The following PPFIBP1 variants were observed in gnomAD, a reference collection of about 807,000 sequenced individuals.
The protein encoded by PPFIBP1 is liprin-beta-1.
In PPFIBP1, 112 loss-of-function variants were observed where a neutral mutation model predicts 137.8. The observed-to-expected ratio is 0.81, with a 90% CI of 0.70 to 0.95. The LOEUF is 0.95. Ranked by LOEUF, PPFIBP1 falls within the 40% of genes least tolerant of loss-of-function variation. The probability of loss-of-function intolerance (pLI) is 0.00; values close to 1 mark genes in which losing one functional copy is unlikely to be tolerated. For missense variants in PPFIBP1, 1,083 were observed against 1,196.6 expected, an observed-to-expected ratio of 0.91 and a Z score of 1.40; for synonymous variants, 378 against 417.3, an observed-to-expected ratio of 0.91 and a Z score of 1.15.
At chr12:27,611,493 T>C (rs1270445770) in intron 2 of PPFIBP1, among the ~76,000 whole-genome samples, 1 of 152,258 alleles carries the variant, frequency 6.6e-6, no homozygotes, top group Non-Finnish European at 1.5e-5. Context: ...AAAGACCCTA[T>C]ATCCAAATAA....
intron 2 of PPFIBP1, among the ~76,000 whole-genome samples, chr12:27,594,537 A>G (rs928690054): frequency 2.0e-5 from 3 of 152,124 alleles, no homozygotes. Context: ...CTATTTTTAT[A>G]ATCTCCCAGT....
At chr12:27,682,573 A>T (rs751955960) in intron 23 of PPFIBP1, 42 bp from the exon 24 acceptor site, 4 of 1,610,210 alleles carry the variant, frequency 2.5e-6, no homozygotes, top group Admixed American at 1.7e-5. Context: ...ACAAGAACAG[A>T]TGTTTTGTGG....
intron 2 of PPFIBP1, among the ~76,000 whole-genome samples, chr12:27,627,558 T>C (rs937199365): frequency 1.3e-5 from 2 of 152,200 alleles, no homozygotes; most frequent in Non-Finnish European, 2.9e-5. Context: ...AGGACAAATG[T>C]TATTCTCACA....
At chr12:27,669,865 G>A (rs890731068) in intron 13 of PPFIBP1, among the ~76,000 whole-genome samples, 4 of 152,150 alleles carry the variant, frequency 2.6e-5, no homozygotes, top group African/African-American at 9.7e-5. Context: ...GAGTGTTCCC[G>A]GTCCAGTACA....
chr12:27,590,553 G>T lies in PPFIBP1; in HGVS notation c.-36+12314G>T, dbSNP rs181366961. ...AGATCTCACAGTCTACAGGTAAAAT[G>T]GATCTATAAAGAGGGCTGAAAAGTA... is the stretch of plus-strand genomic sequence containing the variant. On this transcript the variant is annotated intron_variant, in intron 2 of 29. Coordinates refer to ENST00000228425, the MANE Select transcript of PPFIBP1 (RefSeq NM_003622.4). Among the ~76,000 whole-genome samples the T allele has an allele frequency of 4.6e-5, 7 of 152,264 alleles. No individual in the cohort carries two copies. The East Asian group carries it at 1.4e-3, about 29-fold the overall frequency.
At chr12:27,664,493 G>C (rs764717696) in intron 12 of PPFIBP1, 47 bp downstream of exon 12, 5 of 1,311,824 alleles carry the variant, frequency 3.8e-6, no homozygotes, top group African/African-American at 1.5e-5. Flanking sequence ...GACTCTAAGT[G>C]GCTATAAACT....
chr12:27,592,537 G>C (rs1342369407), intron 2 of PPFIBP1: 1 of 1,253,574 alleles, frequency 8.0e-7, no homozygotes, highest in Non-Finnish European at 1.2e-6. Context: ...CCTTGGTGCT[G>C]GCTGACGGGG....
chr12:27,649,278 ACC>A (rs1209288262), intron 6 of PPFIBP1, among the ~76,000 whole-genome samples: 4 of 152,050 alleles, frequency 2.6e-5, no homozygotes, highest in Admixed American at 2.0e-4. Context: ...CCAGTTCCTA[ACC>A]TCTCTGTTAC....
chr12:27,682,351 C>T, intron 22 of PPFIBP1, 36 bp from the exon 23 acceptor site: 1 of 1,469,734 alleles, frequency 6.8e-7, no homozygotes, highest in Non-Finnish European at 9.5e-7. Context: ...CCAGCCTATA[C>T]AGATAGAATT....
chr12:27,616,017 A>G lies in PPFIBP1; in HGVS notation c.-35-17345A>G, dbSNP rs574456278. Reference sequence around the variant, plus strand: ...TCTTCTATAAAAAGGGAATAATAGTATGTTTGTTCTAAATCGCTTGGGTAC... The same window carrying G: ...TCTTCTATAAAAAGGGAATAATAGTGTGTTTGTTCTAAATCGCTTGGGTAC... On this transcript the variant is annotated intron_variant, in intron 2 of 29. Coordinates refer to ENST00000228425, the MANE Select transcript of PPFIBP1 (RefSeq NM_003622.4). Among the ~76,000 whole-genome samples, 44 of 152,310 alleles carry G rather than the reference A, an allele frequency of 2.9e-4. 1 individual carries two copies. Among genetic ancestry groups the G allele is most frequent in the Middle Eastern group, 3.4e-3 (1 of 292 alleles).
At chr12:27,559,825 C>T (rs1384874762) in intron 1 of PPFIBP1, among the ~76,000 whole-genome samples, 1 of 152,042 alleles carries the variant, frequency 6.6e-6, no homozygotes, top group Non-Finnish European at 1.5e-5. Context: ...TGGAATAAAC[C>T]CTGCTATTTC....
intron 2 of PPFIBP1, among the ~76,000 whole-genome samples, chr12:27,602,227 G>A (rs2054073243): frequency 6.6e-6 from 1 of 152,154 alleles, no homozygotes; most frequent in South Asian, 2.1e-4. Flanking sequence ...TCTAGAAACA[G>A]GACTGAAGAG....
chr12:27,533,739 A>T (rs1316846140), intron 1 of PPFIBP1, among the ~76,000 whole-genome samples: 2 of 152,200 alleles, frequency 1.3e-5, no homozygotes, highest in South Asian at 2.1e-4. Flanking sequence ...TCCCCGAACA[A>T]GAGTATGTAG....
At chr12:27,641,946 AAAATAAATAAATAAATAAAT>A (rs55663709) in intron 4 of PPFIBP1, among the ~76,000 whole-genome samples, 4 of 147,796 alleles carry the variant, frequency 2.7e-5, no homozygotes, top group Admixed American at 2.7e-4. Flanking sequence ...TGCAACTGCA[AAAATAAATAAATAAATAAAT>A]AAATAAATAA....
intron 1 of PPFIBP1, among the ~76,000 whole-genome samples, chr12:27,528,445 C>G (rs1944026436): frequency 6.6e-6 from 1 of 152,126 alleles, no homozygotes; most frequent in South Asian, 2.1e-4. Flanking sequence ...ACGTCAGAAC[C>G]TTCTTCCTAG....
intron 19 of PPFIBP1, among the ~76,000 whole-genome samples, chr12:27,678,361 A>G (rs559866344): frequency 5.3e-5 from 8 of 152,322 alleles, no homozygotes; most frequent in African/African-American, 1.7e-4. Flanking sequence ...CAAAAGAAAA[A>G]TTAGGCATAT....
At chr12:27,636,268 T>C (rs2057667024) in intron 4 of PPFIBP1, 1 of 63,636 alleles carries the variant, frequency 1.6e-5, no homozygotes. Context: ...GGAGTTATTT[T>C]ACTTGTTAAA....
Position 27,678,874 on chromosome 12 carries a change from A to AC in PPFIBP1, c.1616-615_1616-614insC, listed in dbSNP as rs2060701691. Among the ~76,000 whole-genome samples, 3 of 145,180 alleles carry AC rather than the reference A, an allele frequency of 2.1e-5. 1 individual carries two copies. Among genetic ancestry groups the AC allele is most frequent in the African/African-American group, 7.9e-5 (3 of 38,024 alleles). ...TCTGTCTCAAAAAAAAAAAAAAAAA[A>AC]AAAAAAACATTTAAGAGAGAAAAAG... On this transcript the variant is annotated intron_variant, in intron 19 of 29. Coordinates refer to ENST00000228425, the MANE Select transcript of PPFIBP1 (RefSeq NM_003622.4).
At chr12:27,595,523 TAG>T (rs1442359921) in intron 2 of PPFIBP1, among the ~76,000 whole-genome samples, 1 of 151,998 alleles carries the variant, frequency 6.6e-6, no homozygotes, top group Non-Finnish European at 1.5e-5. Flanking sequence ...AAAACGGGGA[TAG>T]AAAGCCACAG....
Sources: allele counts gnomAD v4.1 joint callset (sites outside exome capture counted in the v4.1 genomes callset), GRCh38; gene constraint gnomAD v4.1.1; transcripts MANE v1.5; gene names NCBI Gene and HGNC (gene_info 2026-07-23, HGNC 2026-07-21).